The following GPC5 variants were observed in gnomAD, a reference collection of about 807,000 sequenced individuals.
GPC5 encodes the protein glypican 5.
In GPC5, 47 loss-of-function variants were observed where a neutral mutation model predicts 53.9. That is an observed-to-expected ratio of 0.87 (90% CI 0.69 to 1.11). The LOEUF (loss-of-function observed/expected upper bound fraction) is 1.11. GPC5 is among the 50% of genes most tolerant of loss of function. The pLI, the probability that GPC5 is intolerant of heterozygous loss-of-function variation, is 0.00. For missense variants in GPC5, 748 were observed against 713.1 expected, an observed-to-expected ratio of 1.05 and a Z score of -0.56; for synonymous variants, 286 against 263.3, an observed-to-expected ratio of 1.09 and a Z score of -0.84.
rs71123435 is a variant in GPC5, at chr13:92,751,303, TAAAAAAAAAA to T, written c.1562-114956_1562-114947del. On this transcript the variant is annotated intron_variant, in intron 7 of 7. Transcript: ENST00000377067. ...AAACCTTTGGTCATCCAGAAACATT[TAAAAAAAAAA>T]AAAAAAAAAAAAAAAAAAAAAACCT... Among the ~76,000 whole-genome samples the T allele has an allele frequency of 9.5e-4, 37 of 38,778 alleles. 2 individuals are homozygous for T. Among genetic ancestry groups the T allele is most frequent in the East Asian group, 3.1e-3 (6 of 1,928 alleles). 25.4% of individuals were successfully genotyped at this position (38,778 alleles called of 152,430 possible). A position where few individuals can be genotyped will look rare whatever the true frequency, so the allele number is the denominator to read the frequency against.
chr13:92,027,706 T>G (rs74589336), intron 6 of GPC5, among the ~76,000 whole-genome samples: 2,425 of 152,282 alleles, frequency 0.016, 37 homozygotes, highest in Non-Finnish European at 0.021. Flanking sequence ...GAAGGGAATT[T>G]ACACAATTTC....
intron 6 of GPC5, among the ~76,000 whole-genome samples, chr13:92,107,980 C>T (rs2041523233): frequency 1.3e-5 from 2 of 152,072 alleles, no homozygotes; most frequent in Admixed American, 6.6e-5. Flanking sequence ...AAAGTTTCAC[C>T]CTCTTAACCT....
intron 7 of GPC5, among the ~76,000 whole-genome samples, chr13:92,256,570 A>G (rs1310224376): frequency 1.3e-5 from 2 of 152,074 alleles, no homozygotes; most frequent in East Asian, 3.9e-4. Context: ...ATAATTTTTA[A>G]GCTATTGTTT....
intron 6 of GPC5, among the ~76,000 whole-genome samples, chr13:92,115,479 T>C (rs958774052): frequency 2.0e-5 from 3 of 152,164 alleles, no homozygotes; most frequent in African/African-American, 7.2e-5. Flanking sequence ...CACTCCAACC[T>C]GGCAACAGAA....
chr13:92,787,609 G>A (rs777797896), intron 7 of GPC5, among the ~76,000 whole-genome samples: 5 of 145,272 alleles, frequency 3.4e-5, no homozygotes, highest in African/African-American at 5.2e-5. Flanking sequence ...AGGCAGGAGG[G>A]TCACTTTGAG....
chr13:92,056,544 C>A (rs1362014079), intron 6 of GPC5, among the ~76,000 whole-genome samples: 1 of 152,000 alleles, frequency 6.6e-6, no homozygotes, highest in African/African-American at 2.4e-5. Context: ...AAATTTTTAC[C>A]TGTATATTTG....
At chr13:92,136,014 A>T (rs1022860623) in intron 6 of GPC5, among the ~76,000 whole-genome samples, 1 of 152,208 alleles carries the variant, frequency 6.6e-6, no homozygotes, top group Admixed American at 6.5e-5. Flanking sequence ...TTTGTAAAAT[A>T]TGTTTGTAAT....
At chr13:92,423,948 C>T (rs911092810) in intron 7 of GPC5, among the ~76,000 whole-genome samples, 3 of 152,008 alleles carry the variant, frequency 2.0e-5, no homozygotes, top group African/African-American at 7.2e-5. Context: ...GGGAGCATTT[C>T]CATGTGTAGT....
chr13:92,125,636 A>G (rs1392143848), intron 6 of GPC5, among the ~76,000 whole-genome samples: 3 of 152,166 alleles, frequency 2.0e-5, no homozygotes, highest in Non-Finnish European at 2.9e-5. Context: ...AGTTCAAGTC[A>G]GTGGGAAAAT....
intron 7 of GPC5, among the ~76,000 whole-genome samples, chr13:92,781,510 A>C (rs978822531): frequency 2.6e-5 from 4 of 152,134 alleles, no homozygotes; most frequent in Non-Finnish European, 5.9e-5. Context: ...TGTTTAGTAG[A>C]TCTCTAGATA....
chr13:92,793,505 G>A (rs1876543876), intron 7 of GPC5, among the ~76,000 whole-genome samples: 1 of 151,996 alleles, frequency 6.6e-6, no homozygotes. Flanking sequence ...AAATTCAAAA[G>A]CTACCAGAAG....
At chr13:92,774,762 G>T (rs1379337894) in intron 7 of GPC5, among the ~76,000 whole-genome samples, 1 of 152,174 alleles carries the variant, frequency 6.6e-6, no homozygotes, top group African/African-American at 2.4e-5. Flanking sequence ...ATTTGAATTT[G>T]TTTTCTTCCT....
At chr13:92,654,338 G>A (rs1304477561) in intron 7 of GPC5, among the ~76,000 whole-genome samples, 1 of 152,028 alleles carries the variant, frequency 6.6e-6, no homozygotes, top group East Asian at 1.9e-4. Context: ...AATAAAAATG[G>A]TTTTCCAGAG....
intron 7 of GPC5, among the ~76,000 whole-genome samples, chr13:92,778,505 A>G (rs546715739): frequency 9.2e-5 from 14 of 152,338 alleles, no homozygotes; most frequent in African/African-American, 3.4e-4. Flanking sequence ...ACTAAACCAC[A>G]CATTATTTAA....
chr13:92,224,589 A>C (rs2042471333), intron 7 of GPC5, among the ~76,000 whole-genome samples: 1 of 152,230 alleles, frequency 6.6e-6, no homozygotes, highest in Non-Finnish European at 1.5e-5. Flanking sequence ...CTACTTGTAC[A>C]AACATTGTGG....
At chr13:91,609,756 T>C (rs1287497618) in intron 2 of GPC5, among the ~76,000 whole-genome samples, 1 of 152,196 alleles carries the variant, frequency 6.6e-6, no homozygotes, top group Non-Finnish European at 1.5e-5. Flanking sequence ...AGCATTGCAC[T>C]CTGGGTTTTT....
chr13:92,079,383 A>G (rs2041277405), intron 6 of GPC5, among the ~76,000 whole-genome samples: 1 of 151,846 alleles, frequency 6.6e-6, no homozygotes, highest in South Asian at 2.1e-4. Flanking sequence ...TCCCACATCC[A>G]CTCATCACCT....
At chr13:91,618,008 G>GT (rs2033745463) in intron 2 of GPC5, among the ~76,000 whole-genome samples, 2 of 152,004 alleles carry the variant, frequency 1.3e-5, no homozygotes. Flanking sequence ...TCCAGCCACT[G>GT]AAAAATGTAA....
intron 7 of GPC5, among the ~76,000 whole-genome samples, chr13:92,529,911 C>T (rs1052351014): frequency 2.6e-5 from 4 of 151,926 alleles, no homozygotes; most frequent in African/African-American, 9.7e-5. Flanking sequence ...GGAAGAACCC[C>T]GTCTCTACTA....
Sources: allele counts gnomAD v4.1 joint callset (sites outside exome capture counted in the v4.1 genomes callset), GRCh38; gene constraint gnomAD v4.1.1; transcripts MANE v1.5; gene names NCBI Gene and HGNC (gene_info 2026-07-23, HGNC 2026-07-21).